TMEM132C: variants seen among roughly 807,000 people sequenced by gnomAD.
TMEM132C encodes transmembrane protein 132C, also known as protein phosphatase 1, regulatory subunit 152.
TMEM132C carries 29 observed loss-of-function variants against 61.4 expected under a neutral mutation model. That is an observed-to-expected ratio of 0.47 (90% CI 0.35 to 0.64). TMEM132C has a LOEUF of 0.64. TMEM132C is among the 30% of genes least tolerant of loss of function. The pLI is 0.00. For missense variants in TMEM132C, 1,408 were observed against 1,476.9 expected (o/e 0.95, Z 0.76); for synonymous variants, 656 against 633.1 (o/e 1.04, Z -0.54).
intron 6 of TMEM132C, among the ~76,000 whole-genome samples, chr12:128,694,801 A>G (rs904340283): frequency 3.9e-5 from 6 of 152,228 alleles, no homozygotes; most frequent in African/African-American, 1.4e-4. Context: ...GAATCTACCC[A>G]GTCCTTCAGA....
At chr12:128,653,799 T>C (rs1375082906) in intron 4 of TMEM132C, among the ~76,000 whole-genome samples, 2 of 152,284 alleles carry the variant, frequency 1.3e-5, no homozygotes, top group East Asian at 3.9e-4. Context: ...TTAGGGTTGG[T>C]ATTTTTACTG....
intron 2 of TMEM132C, among the ~76,000 whole-genome samples, chr12:128,498,404 A>G (rs894899056): frequency 3.9e-5 from 6 of 152,184 alleles, no homozygotes; most frequent in Admixed American, 6.5e-5. Context: ...GGCTGGGTAC[A>G]GTGGCTCACA....
At chr12:128,611,485 T>A (rs916299924) in intron 3 of TMEM132C, among the ~76,000 whole-genome samples, 2 of 152,154 alleles carry the variant, frequency 1.3e-5, no homozygotes, top group Non-Finnish European at 2.9e-5. Flanking sequence ...GGAGCGGGGT[T>A]AGGGACTGGC....
At chr12:128,417,917 G>A (rs1357847536) in intron 2 of TMEM132C, among the ~76,000 whole-genome samples, 1 of 152,158 alleles carries the variant, frequency 6.6e-6, no homozygotes, top group Non-Finnish European at 1.5e-5. Flanking sequence ...AATGACAGGA[G>A]TATTTGTAGC....
chr12:128,298,402 C>T (rs1443841038), intron 1 of TMEM132C, among the ~76,000 whole-genome samples: 1 of 151,580 alleles, frequency 6.6e-6, no homozygotes, highest in Non-Finnish European at 1.5e-5. Flanking sequence ...ATTTTTTTGT[C>T]TGTTTATTTG....
Position 128,705,516 on chromosome 12 carries a change from G to C in TMEM132C, c.2548G>C (p.Glu850Gln). 1.9e-6 allele frequency: 3 copies of C among 1,551,030 alleles called. No individual in the cohort carries two copies. The highest frequency in any genetic ancestry group is 2.6e-6 in the Non-Finnish European group (3 of 1,146,982). Residue 850 changes from glutamate (E) to glutamine (Q), a missense_variant, in exon 9 of 9, where the codon GAA (glutamate) becomes CAA (glutamine). Coordinates refer to ENST00000435159, the MANE Select transcript of TMEM132C (RefSeq NM_001136103.3). ...LYGSSPVEREEGALRRATTTA... is the reference protein window; with the variant it reads ...LYGSSPVEREQGALRRATTTA... ...TGGCAGCTCTCCCGTGGAGCGTGAG[G>C]AAGGGGCTCTCCGAAGAGCCACTAC...
chr12:128,630,564 C>G lies in TMEM132C; in HGVS notation c.1305+14229C>G, dbSNP rs1440188747. On this transcript the variant is annotated intron_variant, in intron 4 of 8. Coordinates refer to ENST00000435159, the MANE Select transcript of TMEM132C (RefSeq NM_001136103.3). The surrounding 1 kb of genome is among the most constrained non-coding windows in gnomAD (Gnocchi z 4.3). The stretch of plus-strand genomic sequence containing the variant: ...CCCCACTCCCTTTGCAGTCTCATCT[C>G]TGCCAGACACGATGCTATCTGTGCA... Among the ~76,000 whole-genome samples, 1 of 152,152 alleles carries G rather than the reference C, an allele frequency of 6.6e-6. No homozygotes were observed. Among genetic ancestry groups the G allele is most frequent in the East Asian group, 1.9e-4 (1 of 5,162 alleles).
chr12:128,368,407 C>G (rs924011568), intron 1 of TMEM132C, among the ~76,000 whole-genome samples: 2 of 152,186 alleles, frequency 1.3e-5, no homozygotes, highest in African/African-American at 2.4e-5. Flanking sequence ...CAATCTTGGG[C>G]ACTTTACCTA....
intron 1 of TMEM132C, among the ~76,000 whole-genome samples, chr12:128,394,858 A>G (rs1266948997): frequency 6.7e-6 from 1 of 150,108 alleles, no homozygotes; most frequent in Non-Finnish European, 1.5e-5. Context: ...CTCTTAAAGC[A>G]GCATGTTAAT....
intron 1 of TMEM132C, among the ~76,000 whole-genome samples, chr12:128,289,265 TAC>T (rs771780511): frequency 2.0e-5 from 3 of 152,132 alleles, no homozygotes; most frequent in Non-Finnish European, 2.9e-5. Context: ...TGCACACTTA[TAC>T]ACACGCACAC....
At chr12:128,301,471 C>T (rs1027697636) in intron 1 of TMEM132C, among the ~76,000 whole-genome samples, 1 of 152,144 alleles carries the variant, frequency 6.6e-6, no homozygotes, top group Admixed American at 6.5e-5. Flanking sequence ...TGCCTGCCTG[C>T]CTAATAGTTT....
At chr12:128,487,671 G>A (rs529434740) in intron 2 of TMEM132C, among the ~76,000 whole-genome samples, 1 of 151,228 alleles carries the variant, frequency 6.6e-6, no homozygotes, top group South Asian at 2.1e-4. Context: ...ACACGTGAAA[G>A]ACGTAGATCT....
At chr12:128,322,074 T>C (rs1193363) in intron 1 of TMEM132C, among the ~76,000 whole-genome samples, 38,980 of 152,208 alleles carry the variant, frequency 0.26, 5,430 homozygotes, top group African/African-American at 0.34. Context: ...CTATTTTCCG[T>C]CCTCTCGAAC....
At chr12:128,374,367 G>A (rs1371004513) in intron 1 of TMEM132C, among the ~76,000 whole-genome samples, 1 of 152,156 alleles carries the variant, frequency 6.6e-6, no homozygotes, top group African/African-American at 2.4e-5. Flanking sequence ...TTGTTGTCTG[G>A]GCGGAGCCAT....
intron 4 of TMEM132C, among the ~76,000 whole-genome samples, chr12:128,664,426 C>T (rs570845660): frequency 3.6e-4 from 55 of 152,240 alleles, no homozygotes; most frequent in Non-Finnish European, 6.2e-4. Context: ...TGATTATTTT[C>T]AGCAAAACAG....
chr12:128,525,922 C>G (rs1873070499), intron 2 of TMEM132C, among the ~76,000 whole-genome samples: 1 of 152,142 alleles, frequency 6.6e-6, no homozygotes, highest in African/African-American at 2.4e-5. Context: ...TTATAGAGCT[C>G]ACAATCCCAG....
chr12:128,663,831 C>T (rs893301618), intron 4 of TMEM132C, among the ~76,000 whole-genome samples: 20 of 152,054 alleles, frequency 1.3e-4, no homozygotes, highest in Non-Finnish European at 2.4e-4. Context: ...CATACAGGCA[C>T]ACCCACCCAC....
intron 2 of TMEM132C, among the ~76,000 whole-genome samples, chr12:128,531,831 G>GCC (rs34262954): frequency 6.6e-6 from 1 of 151,734 alleles, no homozygotes; most frequent in Non-Finnish European, 1.5e-5. Context: ...AAAGGACAGT[G>GCC]CCCCCCTCAC....
intron 3 of TMEM132C, among the ~76,000 whole-genome samples, chr12:128,550,014 A>G (rs966952270): frequency 5.9e-5 from 9 of 152,230 alleles, no homozygotes; most frequent in African/African-American, 2.2e-4. Context: ...GCTGGCAGAC[A>G]CTGCTCCACC....
Sources: allele counts gnomAD v4.1 joint callset (sites outside exome capture counted in the v4.1 genomes callset), GRCh38; gene constraint gnomAD v4.1.1; non-coding constraint Gnocchi (gnomAD v3.1); transcripts MANE v1.5; gene names NCBI Gene and HGNC (gene_info 2026-07-23, HGNC 2026-07-21).